The following PTPRM variants were observed in gnomAD, a reference collection of about 807,000 sequenced individuals.
The protein encoded by PTPRM is receptor-type tyrosine-protein phosphatase mu.
In PTPRM, 47 loss-of-function variants were observed where a neutral mutation model predicts 186.7. The ratio of observed to expected loss-of-function variants is 0.25; its 90% CI spans 0.20 to 0.32. The LOEUF is 0.32. Among genes scored for constraint, PTPRM ranks in the 10% least tolerant of loss-of-function variants. The pLI, the probability that PTPRM is intolerant of heterozygous loss-of-function variation, is 1.00. For missense variants in PTPRM, 1,494 were observed against 1,865.0 expected, an observed-to-expected ratio of 0.80 and a Z score of 3.66; for synonymous variants, 668 against 674.9, an observed-to-expected ratio of 0.99 and a Z score of 0.16.
intron 8 of PTPRM, among the ~76,000 whole-genome samples, chr18:8,076,014 C>T (rs934191543): frequency 2.0e-5 from 3 of 152,110 alleles, no homozygotes; most frequent in South Asian, 4.2e-4. Context: ...TGCATATATG[C>T]GAGAATTTTA....
At chr18:8,279,593 CACAG>C (rs1195956658) in intron 19 of PTPRM, among the ~76,000 whole-genome samples, 1 of 152,178 alleles carries the variant, frequency 6.6e-6, no homozygotes, top group Non-Finnish European at 1.5e-5. Flanking sequence ...ATCAGCATAT[CACAG>C]GTCCGTAGTC....
chr18:8,227,274 A>G (rs938395113), intron 14 of PTPRM, among the ~76,000 whole-genome samples: 8 of 152,200 alleles, frequency 5.3e-5, no homozygotes, highest in African/African-American at 1.9e-4. Context: ...CTCCAAAAAG[A>G]GACATCCTTT....
intron 2 of PTPRM, among the ~76,000 whole-genome samples, chr18:7,821,667 G>A (rs568577676): frequency 3.3e-5 from 5 of 152,284 alleles, no homozygotes; most frequent in African/African-American, 9.6e-5. Flanking sequence ...TAATTTGCCA[G>A]TATCACTAGT....
intron 12 of PTPRM, 72 bp downstream of exon 12, chr18:8,113,831 G>C (rs754928272): frequency 1.5e-6 from 2 of 1,354,832 alleles, no homozygotes; most frequent in Non-Finnish European, 2.0e-6. Context: ...AAGTAAAATA[G>C]TAGTAAAATG....
chr18:7,654,535 A>G (rs113221137), intron 1 of PTPRM, among the ~76,000 whole-genome samples: 97 of 152,222 alleles, frequency 6.4e-4, no homozygotes, highest in African/African-American at 2.3e-3. Context: ...GCCTTTTCCT[A>G]TGTCCAGAAT....
chr18:7,581,449 TATGCAGTCG>T (rs1251394983), intron 1 of PTPRM, among the ~76,000 whole-genome samples: 3 of 152,212 alleles, frequency 2.0e-5, no homozygotes, highest in Admixed American at 2.0e-4. Context: ...AGCATTCATC[TATGCAGTCG>T]ATGCTTGTTT....
intron 14 of PTPRM, among the ~76,000 whole-genome samples, chr18:8,235,984 G>T (rs1273158516): frequency 6.6e-6 from 1 of 152,150 alleles, no homozygotes; most frequent in African/African-American, 2.4e-5. Context: ...TGTGTTTAAT[G>T]GCTCATGATG....
intron 1 of PTPRM, among the ~76,000 whole-genome samples, chr18:7,718,906 G>C (rs1355662568): frequency 6.6e-6 from 1 of 152,130 alleles, no homozygotes; most frequent in Non-Finnish European, 1.5e-5. Flanking sequence ...ATAGATGTTG[G>C]TATGGTTGTG....
At chr18:8,145,102 G>C (rs2092851505) in intron 14 of PTPRM, among the ~76,000 whole-genome samples, 1 of 152,138 alleles carries the variant, frequency 6.6e-6, no homozygotes, top group South Asian at 2.1e-4. Flanking sequence ...GCTCAAATCA[G>C]GAAGACCAGT....
intron 32 of PTPRM, among the ~76,000 whole-genome samples, chr18:8,397,288 G>T (rs2095849994): frequency 6.6e-6 from 1 of 152,236 alleles, no homozygotes; most frequent in African/African-American, 2.4e-5. Context: ...CCCTGCCAGG[G>T]CGGGTGAGCA....
intron 7 of PTPRM, among the ~76,000 whole-genome samples, chr18:7,961,944 A>G (rs1568083981): frequency 6.6e-6 from 1 of 152,160 alleles, no homozygotes; most frequent in Admixed American, 6.5e-5. Flanking sequence ...TATTACATTA[A>G]AATGTATTTT....
At chr18:8,044,572 C>A (rs1259559567) in intron 7 of PTPRM, among the ~76,000 whole-genome samples, 1 of 151,956 alleles carries the variant, frequency 6.6e-6, no homozygotes, top group Non-Finnish European at 1.5e-5. Flanking sequence ...ACCTGGCTAA[C>A]ATGGTGAAAC....
chr18:8,152,425 C>T (rs976955047), intron 14 of PTPRM, among the ~76,000 whole-genome samples: 1 of 152,158 alleles, frequency 6.6e-6, no homozygotes, highest in Non-Finnish European at 1.5e-5. Flanking sequence ...TGGTTCTGTT[C>T]TAGTCAAGCC....
chr18:7,881,841 A>C (rs551237725), intron 2 of PTPRM, among the ~76,000 whole-genome samples: 51 of 152,242 alleles, frequency 3.3e-4, no homozygotes, highest in African/African-American at 1.1e-3. Flanking sequence ...CTTTCCATTC[A>C]CCATGACCAT....
intron 5 of PTPRM, among the ~76,000 whole-genome samples, chr18:7,928,157 G>C (rs1014604122): frequency 2.0e-5 from 3 of 152,152 alleles, no homozygotes; most frequent in African/African-American, 7.2e-5. Context: ...GAGGCTTCTT[G>C]TTGTTTTCTC....
chr18:7,867,218 G>A (rs2047752813), intron 2 of PTPRM, among the ~76,000 whole-genome samples: 1 of 152,156 alleles, frequency 6.6e-6, no homozygotes, highest in Non-Finnish European at 1.5e-5. Context: ...ATATTGTTAT[G>A]TGTGAATTTG....
At chr18:8,318,962 G>C (rs2095328433) in intron 21 of PTPRM, among the ~76,000 whole-genome samples, 1 of 152,188 alleles carries the variant, frequency 6.6e-6, no homozygotes, top group Non-Finnish European at 1.5e-5. Flanking sequence ...TTATGATTAA[G>C]TTACCCACAC....
intron 5 of PTPRM, among the ~76,000 whole-genome samples, chr18:7,938,529 C>T (rs957170817): frequency 6.6e-6 from 1 of 152,102 alleles, no homozygotes; most frequent in Non-Finnish European, 1.5e-5. Context: ...GTGTTGGGCT[C>T]CTTAGTTTGA....
At chr18:8,212,238 C>G (rs1044766038) in intron 14 of PTPRM, among the ~76,000 whole-genome samples, 1 of 152,106 alleles carries the variant, frequency 6.6e-6, no homozygotes, top group African/African-American at 2.4e-5. Flanking sequence ...TTTGGACAGA[C>G]AGATGAGCAG....
Sources: gnomAD v4.1 joint callset for allele counts (sites outside exome capture counted in the v4.1 genomes callset) on GRCh38, gnomAD v4.1.1 for gene constraint, MANE v1.5 for transcripts, NCBI Gene and HGNC (gene_info 2026-07-23, HGNC 2026-07-21) for gene names.